Variants in RBM14 observed in about 807,000 individuals in gnomAD.
The protein encoded by RBM14 is RNA-binding protein 14.
A neutral mutation model predicts 52.8 loss-of-function variants in RBM14; 5 were observed. That is an observed-to-expected ratio of 0.09 (90% CI 0.05 to 0.20). The LOEUF (loss-of-function observed/expected upper bound fraction) is 0.20. Among genes scored for constraint, RBM14 ranks in the 10% least tolerant of loss-of-function variants. RBM14 has a pLI of 1.00. For synonymous variants in RBM14, 411 were observed against 401.8 expected (o/e 1.02, Z -0.28); for missense variants, 780 against 926.6 (o/e 0.84, Z 2.05).
In RBM14 at chr11:66,628,380, G is replaced by A. The variant is rs1238177560; in HGVS notation, c.*1712G>A. On this transcript the variant is annotated 3_prime_UTR_variant, in exon 3 of 3. Coordinates refer to ENST00000310137, the MANE Select transcript of RBM14 (RefSeq NM_006328.4). The stretch of plus-strand genomic sequence containing the variant: ...TGTTAGTCAAGTGGAGGTCAGGTGG[G>A]TTATCTTCTGCCTCCTTCACTGGCT... Among the ~76,000 whole-genome samples the A allele has an allele frequency of 1.3e-5, 2 of 152,150 alleles. No individual in the cohort carries two copies. Among genetic ancestry groups the A allele is most frequent in the Non-Finnish European group, 2.9e-5 (2 of 68,026 alleles).
intron 2 of RBM14, among the ~76,000 whole-genome samples, chr11:66,626,139 C>G (rs900940718): frequency 6.6e-6 from 1 of 152,242 alleles, no homozygotes; most frequent in African/African-American, 2.4e-5. Flanking sequence ...ATCCGCCGTT[C>G]TGTTGATAAA....
rs1343339393 is a variant in RBM14 at position 66,624,474 on chromosome 11, G to C, written c.598G>C (p.Gly200Arg). 3 of 1,613,538 alleles carry C rather than the reference G, an allele frequency of 1.9e-6. No individual in the cohort carries two copies. The highest frequency in any genetic ancestry group is 1.7e-5 in the Admixed American group (1 of 60,010). The change falls in exon 2 of 3, where the codon GGG becomes CGG. Residue 200 changes from glycine (G) to arginine (R), a missense_variant. By Grantham distance (125) the Gly-to-Arg change is moderately radical. Around this residue, in one of 4 missense-constraint regions of RBM14, gnomAD observed 675 missense variants for 697.3 expected, o/e 0.97. Transcript: ENST00000310137. This position sits in a 1 kb window ranked among gnomAD's most constrained non-coding sequence, Gnocchi z 4.7. ...TGGCAACAGCACTGGTGGCTTTGATGGGCAAGCCCGTCAGCCCACACCACC... is the reference window on the plus strand; with the variant it reads ...TGGCAACAGCACTGGTGGCTTTGATCGGCAAGCCCGTCAGCCCACACCACC... Reference protein sequence around the residue: ...AFGNSTGGFDGQARQPTPPFF... With the variant: ...AFGNSTGGFDRQARQPTPPFF...
rs776224641 is a variant in RBM14, at chr11:66,626,647, T to C, written c.1989T>C (p.Ser663=). Reference sequence around the variant, plus strand: ...ACCTGCGGGCGGCTCAGATGCACTCTGGCTACCAGCGCCGCATGTAGGGCC... The same window carrying C: ...ACCTGCGGGCGGCTCAGATGCACTCCGGCTACCAGCGCCGCATGTAGGGCC... ...NDYLRAAQMH[S]GYQRRM is the part of the protein sequence containing the mutation. Residue 663 remains serine, a synonymous_variant, in exon 3 of 3, where the codon TCT becomes TCC. Transcript: ENST00000310137. 2 of 1,609,966 alleles carry C rather than the reference T, an allele frequency of 1.2e-6. No individual in the cohort carries two copies. Among genetic ancestry groups the C allele is most frequent in the Non-Finnish European group, 1.7e-6 (2 of 1,178,668 alleles).
chr11:66,619,285 C>T (rs931973404), intron 1 of RBM14: 19 of 152,104 alleles, frequency 1.2e-4, no homozygotes, highest in African/African-American at 3.1e-4. Flanking sequence ...ACAACCAGCT[C>T]TGTTTTATTT....
chr11:66,621,908 G>A (rs963180561), intron 1 of RBM14, among the ~76,000 whole-genome samples: 2 of 151,908 alleles, frequency 1.3e-5, no homozygotes, highest in East Asian at 1.9e-4. Flanking sequence ...GGAAATACAT[G>A]GTAAGTTTCT....
rs201390630 is a variant in RBM14, at chr11:66,625,379, A to G, written c.1503A>G (p.Ala501=). 38 of 1,611,332 alleles carry G rather than the reference A, an allele frequency of 2.4e-5. No individual in the cohort carries two copies. The highest frequency in any genetic ancestry group is 2.2e-4 in the Admixed American group (13 of 59,626). The change falls in exon 2 of 3, where the codon GCA becomes GCG. Residue 501 remains alanine, a synonymous_variant. Coordinates refer to ENST00000310137, the MANE Select transcript of RBM14 (RefSeq NM_006328.4). The surrounding 1 kb of genome is among the most constrained non-coding windows in gnomAD (Gnocchi z 4.2). ...AAAATGSYGA[A]AAYGAQPSAT... is the part of the protein sequence containing the mutation. ...CGGCCACTGGCTCCTATGGTGCCGC[A>G]GCAGCCTACGGGGCCCAACCTTCTG...
At chr11:66,622,258 G>A in intron 1 of RBM14, among the ~76,000 whole-genome samples, 1 of 147,592 alleles carries the variant, frequency 6.8e-6, no homozygotes. Flanking sequence ...TTGAAATGGA[G>A]TCTTGCTGTG....
Position 66,628,165 on chromosome 11 carries a change from G to A in RBM14, c.*1497G>A, listed in dbSNP as rs753584802. On this transcript the variant is annotated 3_prime_UTR_variant, in exon 3 of 3. Coordinates refer to ENST00000310137, the MANE Select transcript of RBM14 (RefSeq NM_006328.4). ...TGCTTTTATTGTAGGGCTGGGGATC[G>A]AGGATCTGGGCAAAAAATATGACAT... Among the ~76,000 whole-genome samples, 2 of 152,150 alleles carry A rather than the reference G, an allele frequency of 1.3e-5. No homozygotes were observed. Among genetic ancestry groups the A allele is most frequent in the Non-Finnish European group, 2.9e-5 (2 of 68,040 alleles).
rs770422479 is a variant in RBM14 at position 66,624,553 on chromosome 11, A to C, written c.677A>C (p.Tyr226Ser). 3 of 1,612,924 alleles carry C rather than the reference A, an allele frequency of 1.9e-6. No individual in the cohort carries two copies. The highest frequency in any genetic ancestry group is 2.5e-6 in the Non-Finnish European group (3 of 1,179,976). ...PLRRSPPRASYVAPLTAQPAT... is the reference protein window; with the variant it reads ...PLRRSPPRASSVAPLTAQPAT... ...CGCCGTTCACCTCCCCGAGCCTCTT[A>C]TGTGGCTCCTCTGACGGCCCAGCCA... is the stretch of plus-strand genomic sequence containing the variant. Residue 226 changes from tyrosine to serine, a missense_variant, in exon 2 of 3, where the codon TAT becomes TCT. Tyr to Ser is a moderately radical substitution (Grantham distance 144). This residue lies in a region of RBM14 where 675 missense variants were observed against 697.3 expected (regional missense o/e 0.97). Transcript: ENST00000310137. The surrounding 1 kb of genome is among the most constrained non-coding windows in gnomAD (Gnocchi z 4.7).
chr11:66,620,181 T>G (rs761641671), intron 1 of RBM14, among the ~76,000 whole-genome samples: 1 of 152,222 alleles, frequency 6.6e-6, no homozygotes, highest in Non-Finnish European at 1.5e-5. Context: ...TGCAGTTGAG[T>G]TAGCTGGGCA....
chr11:66,618,015 C>G (rs1858920794), intron 1 of RBM14, among the ~76,000 whole-genome samples: 1 of 152,162 alleles, frequency 6.6e-6, no homozygotes, highest in African/African-American at 2.4e-5. Context: ...ATTCTCAGGG[C>G]AGATCCCGGT....
At position 66,624,275 on chromosome 11, in the gene RBM14, C is replaced by G; in HGVS notation, c.399C>G (p.Asn133Lys). The G allele has an allele frequency of 6.2e-7, 1 of 1,611,006 alleles. No homozygotes were observed. Among genetic ancestry groups the G allele is most frequent in the Non-Finnish European group, 8.5e-7 (1 of 1,177,996 alleles). The change falls in exon 2 of 3, where the codon AAC becomes AAG. Residue 133 changes from asparagine (N) to lysine (K), a missense_variant. Asn to Lys is a moderately conservative substitution (Grantham distance 94). Coordinates refer to ENST00000310137, the MANE Select transcript of RBM14 (RefSeq NM_006328.4). The surrounding 1 kb of genome is among the most constrained non-coding windows in gnomAD (Gnocchi z 4.7). ...CCAAAGCCGCAATCGCGCAGCTCAA[C>G]GGCAAAGAAGTGAAGGGCAAGCGCA... Reference protein sequence around the residue: ...ADAKAAIAQLNGKEVKGKRIN... With the variant: ...ADAKAAIAQLKGKEVKGKRIN...
chr11:66,627,734 C>T lies in RBM14; in HGVS notation c.*1066C>T, dbSNP rs191357845. Among the ~76,000 whole-genome samples, 1 of 152,232 alleles carries T rather than the reference C, an allele frequency of 6.6e-6. No individual in the cohort carries two copies. Among genetic ancestry groups the T allele is most frequent in the East Asian group, 1.9e-4 (1 of 5,188 alleles). On this transcript the variant is annotated 3_prime_UTR_variant, in exon 3 of 3. Coordinates refer to ENST00000310137, the MANE Select transcript of RBM14 (RefSeq NM_006328.4). ...CTCTTAGGAAGTGGGGAATGGGCTGCTGTGGTATTTACAGGCTAGTAGATC... is the reference window on the plus strand; with the variant it reads ...CTCTTAGGAAGTGGGGAATGGGCTGTTGTGGTATTTACAGGCTAGTAGATC...
In RBM14 at chr11:66,626,834, A is replaced by G. The variant is rs753241369; in HGVS notation, c.*166A>G. The stretch of plus-strand genomic sequence containing the variant: ...GAGATGATCCTGTTAAGTGTTCGGC[A>G]GTAACCTACTTTGTTCCTTCGCCTC... On this transcript the variant is annotated 3_prime_UTR_variant, in exon 3 of 3. Transcript: ENST00000310137. 2.6e-4 allele frequency: 177 copies of G among 688,192 alleles called. No homozygotes were observed. The highest frequency in any genetic ancestry group is 3.8e-4 in the Non-Finnish European group (162 of 422,232). 42.6% of individuals were successfully genotyped at this position (688,192 alleles called of 1,614,324 possible). A position where few individuals can be genotyped will look rare whatever the true frequency, so the allele number is the denominator to read the frequency against.
chr11:66,626,124 C>G (rs1332548750), intron 2 of RBM14, among the ~76,000 whole-genome samples: 1 of 152,222 alleles, frequency 6.6e-6, no homozygotes, highest in African/African-American at 2.4e-5. Context: ...GGGGACCTCG[C>G]TTTCATCCGC....
chr11:66,626,684 G>C lies in RBM14; in HGVS notation c.*16G>C. The C allele has an allele frequency of 1.3e-6, 2 of 1,585,146 alleles. No individual in the cohort carries two copies. Among genetic ancestry groups the C allele is most frequent in the Non-Finnish European group, 1.7e-6 (2 of 1,164,678 alleles). On this transcript the variant is annotated 3_prime_UTR_variant, in exon 3 of 3. Transcript: ENST00000310137. ...CCGCATGTAGGGCCATCCTGGGATG[G>C]GGCACCACAGGGAGGGAGGGAGAAA...
Position 66,616,809 on chromosome 11 carries a change from G to C in RBM14, c.89G>C (p.Ser30Thr). The change falls in exon 1 of 3, where the codon AGC (serine) becomes ACC (threonine). Residue 30 changes from serine to threonine, a missense_variant. Ser to Thr is a moderately conservative substitution (Grantham distance 58). Coordinates refer to ENST00000310137, the MANE Select transcript of RBM14 (RefSeq NM_006328.4). ...TTTGCGCCCTACGGCACGGTCATGAGCTGCGCCGTCATGAAACAGTTCGCC... is the reference window on the plus strand; with the variant it reads ...TTTGCGCCCTACGGCACGGTCATGACCTGCGCCGTCATGAAACAGTTCGCC... ...ALFAPYGTVM[S>T]CAVMKQFAFV... 1.2e-6 allele frequency: 2 copies of C among 1,612,734 alleles called. No homozygotes were observed. The highest frequency in any genetic ancestry group is 1.7e-6 in the Non-Finnish European group (2 of 1,179,752).
At chr11:66,623,830 T>C in intron 1 of RBM14, 1 of 713,514 alleles carries the variant, frequency 1.4e-6, no homozygotes, top group Non-Finnish European at 2.6e-6. Flanking sequence ...TGAGTTTGGG[T>C]TGAGAACACT....
At chr11:66,618,440 A>T (rs539340247) in intron 1 of RBM14, 7 of 716,286 alleles carry the variant, frequency 9.8e-6, no homozygotes, top group African/African-American at 8.7e-5. Flanking sequence ...AGTGTCCACT[A>T]CTAGGAACAA....
Sources: gnomAD v4.1 joint callset for allele counts (sites outside exome capture counted in the v4.1 genomes callset) on GRCh38, gnomAD v4.1.1 for gene constraint, gnomAD v4.1.1 regional missense constraint, Gnocchi (gnomAD v3.1) non-coding constraint, MANE v1.5 for transcripts, NCBI Gene and HGNC (gene_info 2026-07-23, HGNC 2026-07-21) for gene names.